IPCEF1: variants seen among roughly 807,000 people sequenced by gnomAD.
The protein encoded by IPCEF1 is interactor protein for cytohesin exchange factors 1.
In IPCEF1, 31 loss-of-function variants were observed where a neutral mutation model predicts 50.9. The ratio of observed to expected loss-of-function variants is 0.61; its 90% CI spans 0.46 to 0.82. IPCEF1 has a LOEUF of 0.82. Among genes scored for constraint, IPCEF1 ranks in the 40% least tolerant of loss-of-function variants. IPCEF1 has a pLI of 0.00. For missense variants in IPCEF1, 458 were observed against 514.0 expected (o/e 0.89, Z 1.05); for synonymous variants, 181 against 192.0 (o/e 0.94, Z 0.47).
rs185154398 is a variant in IPCEF1 at position 154,299,558 on chromosome 6, G to C, written c.-61-9802C>G. ...GGGAGCTGAACGATGAGAAAACATG[G>C]ACACATGAAGGGGCACAACACACAC... On this transcript the variant is annotated intron_variant, in intron 1 of 11. Transcript: ENST00000367220. 2.4e-4 allele frequency among the ~76,000 whole-genome samples: 34 copies of C among 140,650 alleles called. 5 individuals carry two copies. The highest frequency in any genetic ancestry group is 7.9e-4 in the African/African-American group (31 of 39,344). The allele number at this position is 140,650 out of a possible 152,430, so 92.3% of individuals were successfully genotyped here. A position where few individuals can be genotyped will look rare whatever the true frequency, so the allele number is the denominator to read the frequency against.
At chr6:154,241,530 G>C (rs767686996) in intron 5 of IPCEF1, among the ~76,000 whole-genome samples, 5 of 151,956 alleles carry the variant, frequency 3.3e-5, no homozygotes, top group Non-Finnish European at 5.9e-5. Flanking sequence ...GTCTCCCCAG[G>C]CTCTAAAACT....
At chr6:154,269,817 AG>A (rs1781858202) in intron 2 of IPCEF1, among the ~76,000 whole-genome samples, 1 of 152,244 alleles carries the variant, frequency 6.6e-6, no homozygotes, top group Non-Finnish European at 1.5e-5. Flanking sequence ...AGGGCTATGG[AG>A]ACTCATGTAC....
intron 1 of IPCEF1, among the ~76,000 whole-genome samples, chr6:154,300,450 A>G (rs1782762989): frequency 6.6e-6 from 1 of 152,164 alleles, no homozygotes; most frequent in Non-Finnish European, 1.5e-5. Flanking sequence ...ACGTCTCTAC[A>G]GAAAAATGTA....
chr6:154,188,973 A>C (rs1235919210), intron 10 of IPCEF1, among the ~76,000 whole-genome samples: 2 of 152,196 alleles, frequency 1.3e-5, no homozygotes, highest in African/African-American at 4.8e-5. Context: ...AGGATAGATA[A>C]TTTTAATCAC....
intron 1 of IPCEF1, among the ~76,000 whole-genome samples, chr6:154,308,985 GTTTT>G (rs898888459): frequency 1.3e-5 from 2 of 152,172 alleles, no homozygotes; most frequent in African/African-American, 2.4e-5. Flanking sequence ...TCTACATTTG[GTTTT>G]TTTGTTTTTT....
chr6:154,228,757 C>T (rs1483557748), intron 5 of IPCEF1, among the ~76,000 whole-genome samples: 2 of 152,194 alleles, frequency 1.3e-5, no homozygotes, highest in African/African-American at 4.8e-5. Context: ...TGTGGTGGCT[C>T]ATGCCTGTAA....
rs368335458 is a variant in IPCEF1 at position 154,212,295 on chromosome 6, G to A, written c.537+475C>T. 4.6e-5 allele frequency among the ~76,000 whole-genome samples: 7 copies of A among 152,174 alleles called. No individual in the cohort carries two copies. In the South Asian group the frequency reaches 8.3e-4, roughly 18 times the overall value. ...TTCCTCTCTAGTGAATACACAAATC[G>A]CTCCATGTGCACTTTTAATGCACTA... On this transcript the variant is annotated intron_variant, in intron 9 of 11. Transcript: ENST00000367220.
At chr6:154,162,208 G>A (rs1478328774) in intron 11 of IPCEF1, among the ~76,000 whole-genome samples, 2 of 152,174 alleles carry the variant, frequency 1.3e-5, no homozygotes, top group African/African-American at 4.8e-5. Flanking sequence ...CAGCAATTCT[G>A]TTCTCTCCTC....
At chr6:154,178,091 A>C (rs1353533572) in intron 10 of IPCEF1, among the ~76,000 whole-genome samples, 2 of 143,378 alleles carry the variant, frequency 1.4e-5, no homozygotes, top group Non-Finnish European at 3.0e-5. Flanking sequence ...TTGAACAATG[A>C]GGACACATGG....
chr6:154,203,284 A>G (rs924140317), intron 9 of IPCEF1, among the ~76,000 whole-genome samples: 3 of 152,056 alleles, frequency 2.0e-5, no homozygotes, highest in Non-Finnish European at 4.4e-5. Context: ...CAACTCCTCC[A>G]GGAAGCCTTC....
chr6:154,196,701 G>T (rs1776650182), intron 10 of IPCEF1, among the ~76,000 whole-genome samples: 1 of 152,118 alleles, frequency 6.6e-6, no homozygotes, highest in Non-Finnish European at 1.5e-5. Flanking sequence ...GGGTAAAATT[G>T]AGCTGAAATG....
chr6:154,225,647 A>G (rs548015308), intron 5 of IPCEF1, among the ~76,000 whole-genome samples: 16 of 152,324 alleles, frequency 1.1e-4, no homozygotes, highest in African/African-American at 3.8e-4. Flanking sequence ...TGGGGTGATG[A>G]AAATGTTCAC....
At chr6:154,231,394 T>G (rs1182440955) in intron 5 of IPCEF1, among the ~76,000 whole-genome samples, 2 of 152,216 alleles carry the variant, frequency 1.3e-5, no homozygotes, top group African/African-American at 4.8e-5. Context: ...ATTCCACTTC[T>G]GGGATCTGTC....
At chr6:154,285,057 G>A (rs767457268) in intron 2 of IPCEF1, among the ~76,000 whole-genome samples, 13 of 152,086 alleles carry the variant, frequency 8.5e-5, no homozygotes, top group East Asian at 1.9e-4. Flanking sequence ...GCATAACACC[G>A]TCTAGTCTAA....
At position 154,355,469 on chromosome 6, in the gene IPCEF1, TTC is replaced by T. The variant is rs985577191; in HGVS notation, c.-62+1201_-62+1202del. On this transcript the variant is annotated intron_variant, in intron 1 of 11. Coordinates refer to ENST00000367220, the MANE Select transcript of IPCEF1 (RefSeq NM_001130700.2). ...AGAAAGAAATGTGTGTTCTTTCCAT[TTC>T]TGTTTCTTTTCTTTCTTTCTTTCTT... 6.6e-5 allele frequency among the ~76,000 whole-genome samples: 10 copies of T among 151,628 alleles called. No homozygotes were observed. The East Asian group carries it at 9.7e-4, about 15-fold the overall frequency.
At chr6:154,197,934 T>A (rs1415504145) in intron 10 of IPCEF1, among the ~76,000 whole-genome samples, 3 of 152,224 alleles carry the variant, frequency 2.0e-5, no homozygotes, top group Non-Finnish European at 4.4e-5. Context: ...TTATTTTCTT[T>A]AGTTTCACCA....
chr6:154,209,371 C>G (rs1363927848), intron 9 of IPCEF1, among the ~76,000 whole-genome samples: 1 of 152,146 alleles, frequency 6.6e-6, no homozygotes, highest in African/African-American at 2.4e-5. Flanking sequence ...AAAGCTATGA[C>G]TGAGTGCAGT....
intron 1 of IPCEF1, among the ~76,000 whole-genome samples, chr6:154,296,108 A>C (rs1782649953): frequency 6.6e-6 from 1 of 152,206 alleles, no homozygotes; most frequent in Non-Finnish European, 1.5e-5. Context: ...GGCTCTGTGC[A>C]TACATTTCAT....
Position 154,159,286 on chromosome 6 carries a change from A to G in IPCEF1, c.*542T>C, listed in dbSNP as rs1317836693. On this transcript the variant is annotated 3_prime_UTR_variant, in exon 12 of 12. Transcript: ENST00000367220. ...CTGTCTATGAAGCATTTCTCATCAC[A>G]TGGAAAAGGCACCACCATTCCATAC... is the stretch of plus-strand genomic sequence containing the variant. 6.3e-6 allele frequency: 1 copy of G among 158,804 alleles called. No homozygotes were observed. 9.8% of individuals were successfully genotyped at this position (158,804 alleles called of 1,614,324 possible).
Sources: allele counts gnomAD v4.1 joint callset (sites outside exome capture counted in the v4.1 genomes callset), GRCh38; gene constraint gnomAD v4.1.1; transcripts MANE v1.5; gene names NCBI Gene and HGNC (gene_info 2026-07-23, HGNC 2026-07-21).